Variants in RTL4 observed in about 807,000 individuals in gnomAD.
RTL4 encodes retrotransposon Gag-like protein 4.
In RTL4, 4 loss-of-function variants were observed where a neutral mutation model predicts 5.3. The ratio of observed to expected loss-of-function variants is 0.75; its 90% CI spans 0.37 to 1.72. The LOEUF (loss-of-function observed/expected upper bound fraction) is 1.72, where lower values mean the gene tolerates loss of function less well. RTL4 is among the 40% of genes most tolerant of loss of function. The probability of loss-of-function intolerance (pLI) is 0.04; values close to 1 mark genes in which losing one functional copy is unlikely to be tolerated. For missense variants in RTL4, 260 were observed against 227.1 expected, an observed-to-expected ratio of 1.14 and a Z score of -0.93; for synonymous variants, 98 against 87.3, an observed-to-expected ratio of 1.12 and a Z score of -0.68.
At chrX:112,385,484 T>C in the RTL4 span, among the ~76,000 whole-genome samples, 1 of 111,653 alleles carries the variant, frequency 9.0e-6, no homozygotes, top group East Asian at 2.8e-4. Flanking sequence ...TTAAAAGGCT[T>C]TTTACCTTTG....
Position 112,455,312 on chromosome X carries a change from AAG to A in RTL4, c.589_590del (p.Ser197CysfsTer3). The A allele has an allele frequency of 1.7e-6, 2 of 1,211,765 alleles. No homozygotes were observed. The highest frequency in any genetic ancestry group is 2.2e-6 in the Non-Finnish European group (2 of 895,483). ...GCACTAGCTGATCCCAACCAGGATG[AAG>A]AGAGTGTCACTGATATGATGGACAA... On this transcript the variant is annotated frameshift_variant, in exon 1 of 1. Transcript: ENST00000340433. LOFTEE classifies it low-confidence loss of function (END_TRUNC).
the RTL4 span, among the ~76,000 whole-genome samples, chrX:112,402,798 G>T: frequency 9.0e-6 from 1 of 110,819 alleles, no homozygotes; most frequent in Admixed American, 9.7e-5. Flanking sequence ...ACTATGTCAT[G>T]GTACCTCTAG....
the RTL4 span, among the ~76,000 whole-genome samples, chrX:112,253,108 A>G: frequency 9.0e-6 from 1 of 111,642 alleles, no homozygotes; most frequent in African/African-American, 3.3e-5. Flanking sequence ...CTTTTCTACC[A>G]TGGATTTGGC....
chrX:112,314,835 T>C, the RTL4 span, among the ~76,000 whole-genome samples: 1 of 111,493 alleles, frequency 9.0e-6, no homozygotes, highest in Non-Finnish European at 1.9e-5. Context: ...ATGCACACTA[T>C]CTCTGACCAA....
the RTL4 span, among the ~76,000 whole-genome samples, chrX:112,158,740 G>T: frequency 9.0e-6 from 1 of 111,204 alleles, no homozygotes; most frequent in South Asian, 3.7e-4. Flanking sequence ...TAAATTGTTT[G>T]CAGTTTTTTG....
the RTL4 span, among the ~76,000 whole-genome samples, chrX:112,341,372 A>G: frequency 2.7e-5 from 3 of 111,988 alleles, no homozygotes; most frequent in Admixed American, 2.8e-4. Flanking sequence ...GTCAGTGAAT[A>G]AGCAATAAGT....
chrX:112,276,202 G>A, the RTL4 span, among the ~76,000 whole-genome samples: 2 of 111,588 alleles, frequency 1.8e-5, no homozygotes, highest in East Asian at 2.8e-4. Context: ...TTGCTAAGAC[G>A]TGTTAGTAAA....
chrX:112,239,331 T>C, the RTL4 span, among the ~76,000 whole-genome samples: 5 of 110,599 alleles, frequency 4.5e-5, no homozygotes, highest in Non-Finnish European at 9.5e-5. Context: ...CAATAAGGTA[T>C]AATAAAGAGG....
At chrX:112,336,466 T>C in the RTL4 span, among the ~76,000 whole-genome samples, 1 of 112,154 alleles carries the variant, frequency 8.9e-6, no homozygotes, top group African/African-American at 3.2e-5. Context: ...CACATTCCTC[T>C]TGTTTGATAT....
chrX:112,429,208 G>A, the RTL4 span, among the ~76,000 whole-genome samples: 21 of 110,923 alleles, frequency 1.9e-4, no homozygotes, highest in East Asian at 1.4e-3. Flanking sequence ...TTTATTGCCC[G>A]TGTTCTTTGT....
At chrX:112,288,891 T>G in the RTL4 span, among the ~76,000 whole-genome samples, 1 of 111,778 alleles carries the variant, frequency 8.9e-6, no homozygotes, top group Non-Finnish European at 1.9e-5. Flanking sequence ...TGGAAAGTAT[T>G]ATTTTTCCAC....
chrX:112,354,384 G>T, the RTL4 span, among the ~76,000 whole-genome samples: 76 of 111,375 alleles, frequency 6.8e-4, no homozygotes, highest in African/African-American at 2.3e-3. Flanking sequence ...TTGTCATGAA[G>T]ATTAAATGGA....
chrX:112,192,075 G>GT, the RTL4 span, among the ~76,000 whole-genome samples: 6,181 of 78,763 alleles, frequency 0.078, 501 homozygotes, highest in African/African-American at 0.22. Flanking sequence ...AAATACTAGG[G>GT]TTTTTTTTTT....
chrX:112,397,258 G>A, the RTL4 span, among the ~76,000 whole-genome samples: 148 of 111,711 alleles, frequency 1.3e-3, 1 homozygote, highest in Non-Finnish European at 2.4e-3. Flanking sequence ...ACATTTTCCT[G>A]TATACTTTAA....
chrX:112,323,353 G>T, the RTL4 span, among the ~76,000 whole-genome samples: 1 of 110,480 alleles, frequency 9.1e-6, no homozygotes. Flanking sequence ...ATTTTCTTTC[G>T]CTTTGAAAGA....
the RTL4 span, among the ~76,000 whole-genome samples, chrX:112,257,873 GTATATATATATATGTGTATATA>G: frequency 4.9e-5 from 5 of 102,559 alleles, no homozygotes; most frequent in Non-Finnish European, 9.8e-5. Flanking sequence ...TCAAAACTGT[GTATATATATATATGTGTATATA>G]TATATATACA....
the RTL4 span, among the ~76,000 whole-genome samples, chrX:112,185,891 T>C: frequency 2.7e-5 from 3 of 111,015 alleles, no homozygotes; most frequent in Admixed American, 9.7e-5. Flanking sequence ...CATTATGCAA[T>C]TGTGGGAGCT....
At chrX:112,352,367 C>T in the RTL4 span, among the ~76,000 whole-genome samples, 9 of 110,757 alleles carry the variant, frequency 8.1e-5, no homozygotes, top group African/African-American at 9.8e-5. Flanking sequence ...GAGCCCGCAT[C>T]GCCAAGTCAA....
At chrX:112,362,726 G>A in the RTL4 span, among the ~76,000 whole-genome samples, 1 of 110,784 alleles carries the variant, frequency 9.0e-6, no homozygotes, top group Non-Finnish European at 1.9e-5. Context: ...ACAGACTAAG[G>A]TTACTATTAC....
Sources: gnomAD v4.1 joint callset for allele counts (sites outside exome capture counted in the v4.1 genomes callset) on GRCh38, gnomAD v4.1.1 for gene constraint, MANE v1.5 for transcripts, NCBI Gene and HGNC (gene_info 2026-07-23, HGNC 2026-07-21) for gene names.